THSD4: variants seen among roughly 807,000 people sequenced by gnomAD.
THSD4 encodes the protein thrombospondin type 1 domain containing 4.
In THSD4, 69 loss-of-function variants were observed where a neutral mutation model predicts 119.0. That is an observed-to-expected ratio of 0.58 (90% confidence interval 0.48 to 0.71). The LOEUF (loss-of-function observed/expected upper bound fraction) is 0.71, where lower values mean the gene tolerates loss of function less well. Ranked by LOEUF, THSD4 falls within the 30% of genes least tolerant of loss-of-function variation. THSD4 has a pLI of 0.00. For synonymous variants in THSD4, 524 were observed against 540.4 expected (o/e 0.97, Z 0.42); for missense variants, 1,393 against 1,391.1 (o/e 1.00, Z -0.02).
At chr15:71,676,383 G>A (rs1433917090) in intron 8 of THSD4, among the ~76,000 whole-genome samples, 2 of 152,108 alleles carry the variant, frequency 1.3e-5, no homozygotes. Flanking sequence ...CCGGGTTCAA[G>A]CGATTCTCCT....
chr15:71,478,247 A>G (rs1247697277), intron 7 of THSD4, among the ~76,000 whole-genome samples: 2 of 152,208 alleles, frequency 1.3e-5, no homozygotes, highest in Non-Finnish European at 2.9e-5. Context: ...GGAAGTATAT[A>G]AGCAGGTATA....
At chr15:71,710,603 C>G (rs1324781590) in intron 8 of THSD4, among the ~76,000 whole-genome samples, 1 of 152,160 alleles carries the variant, frequency 6.6e-6, no homozygotes, top group East Asian at 1.9e-4. Flanking sequence ...CCTCATCTGG[C>G]TCATACGGTA....
At chr15:71,665,827 G>A (rs1478411126) in intron 8 of THSD4, among the ~76,000 whole-genome samples, 1 of 151,950 alleles carries the variant, frequency 6.6e-6, no homozygotes, top group Admixed American at 6.6e-5. Flanking sequence ...CCTTATTTCT[G>A]GGCCTTATTT....
intron 7 of THSD4, among the ~76,000 whole-genome samples, chr15:71,584,081 G>A (rs1244097735): frequency 1.3e-5 from 2 of 151,894 alleles, no homozygotes. Context: ...CCAATGTTGG[G>A]TGTGTATGTA....
chr15:71,578,135 T>C (rs1595899147), intron 7 of THSD4, among the ~76,000 whole-genome samples: 1 of 149,922 alleles, frequency 6.7e-6, no homozygotes, highest in East Asian at 1.9e-4. Flanking sequence ...AGTATATATA[T>C]ACATTATATC....
intron 7 of THSD4, among the ~76,000 whole-genome samples, chr15:71,523,298 C>G (rs995747210): frequency 6.6e-6 from 1 of 152,192 alleles, no homozygotes; most frequent in Admixed American, 6.5e-5. Context: ...GGACTCCAGG[C>G]ATTCCTTGCC....
intron 7 of THSD4, among the ~76,000 whole-genome samples, chr15:71,589,817 G>A (rs2049760800): frequency 7.2e-6 from 1 of 138,842 alleles, no homozygotes; most frequent in African/African-American, 2.5e-5. Flanking sequence ...CCATCCCCAC[G>A]AGAATAGATA....
At chr15:71,408,064 G>T (rs1662894512) in intron 6 of THSD4, among the ~76,000 whole-genome samples, 1 of 152,096 alleles carries the variant, frequency 6.6e-6, no homozygotes, top group Non-Finnish European at 1.5e-5. Context: ...CTCCCAGCTT[G>T]TGGCAACCCT....
chr15:71,412,544 G>A (rs1192571895), intron 7 of THSD4, among the ~76,000 whole-genome samples: 2 of 152,188 alleles, frequency 1.3e-5, no homozygotes, highest in Non-Finnish European at 2.9e-5. Flanking sequence ...AGATTTAGCA[G>A]GTAAATGACT....
intron 5 of THSD4, among the ~76,000 whole-genome samples, chr15:71,243,932 G>A (rs931813129): frequency 6.6e-6 from 1 of 151,588 alleles, no homozygotes; most frequent in Non-Finnish European, 1.5e-5. Context: ...CTACAGGTGC[G>A]CACCACTATA....
At chr15:71,314,011 C>A (rs2045151142) in intron 6 of THSD4, among the ~76,000 whole-genome samples, 1 of 152,158 alleles carries the variant, frequency 6.6e-6, no homozygotes. Flanking sequence ...TGGAGGAATT[C>A]TTCTGTCCAG....
intron 7 of THSD4, among the ~76,000 whole-genome samples, chr15:71,457,725 G>A (rs573454041): frequency 6.6e-6 from 1 of 152,284 alleles, no homozygotes; most frequent in South Asian, 2.1e-4. Flanking sequence ...TGACCAGCCT[G>A]TCTCCAAGAC....
rs148194220 is a variant in THSD4 at position 71,672,801 on chromosome 15, C to T, written c.1357+12067C>T. On this transcript the variant is annotated intron_variant, in intron 8 of 17. Transcript: ENST00000261862. ...GTGACGGATTATGTTTATTGATTTGCGTATGTTGAACCAGCCTTGGATCCC... is the reference window on the plus strand; with the variant it reads ...GTGACGGATTATGTTTATTGATTTGTGTATGTTGAACCAGCCTTGGATCCC... Among the ~76,000 whole-genome samples, 251 of 152,164 alleles carry T rather than the reference C, an allele frequency of 1.6e-3. 2 individuals are homozygous for T. The highest frequency in any genetic ancestry group is 5.5e-3 in the African/African-American group (229 of 41,520).
chr15:71,335,009 A>G (rs1481075501), intron 6 of THSD4, among the ~76,000 whole-genome samples: 1 of 152,198 alleles, frequency 6.6e-6, no homozygotes, highest in Non-Finnish European at 1.5e-5. Context: ...CCTGAGCAGA[A>G]TTAATGGAGC....
At chr15:71,313,432 G>A (rs1231091326) in intron 6 of THSD4, among the ~76,000 whole-genome samples, 3 of 152,146 alleles carry the variant, frequency 2.0e-5, no homozygotes, top group African/African-American at 7.2e-5. Flanking sequence ...TGGTACTTTT[G>A]TATTTTATTT....
chr15:71,240,641 C>G (rs1373200700), intron 4 of THSD4, among the ~76,000 whole-genome samples: 1 of 152,144 alleles, frequency 6.6e-6, no homozygotes, highest in Admixed American at 6.6e-5. Flanking sequence ...TCAGTACTTA[C>G]TTTGAGGCTA....
chr15:71,439,292 AT>A (rs1177581652), intron 7 of THSD4, among the ~76,000 whole-genome samples: 1 of 152,034 alleles, frequency 6.6e-6, no homozygotes, highest in Non-Finnish European at 1.5e-5. Context: ...GAAATTTACT[AT>A]TTTTTTCTAC....
chr15:71,105,865 T>C (rs2040272395), intron 1 of THSD4, among the ~76,000 whole-genome samples: 1 of 152,098 alleles, frequency 6.6e-6, no homozygotes, highest in Non-Finnish European at 1.5e-5. Flanking sequence ...TCCCCTCTTA[T>C]ATTAATAGAG....
At chr15:71,746,678 C>T (rs954676769) in intron 12 of THSD4, among the ~76,000 whole-genome samples, 160 bp from the exon 13 acceptor site, 2 of 152,186 alleles carry the variant, frequency 1.3e-5, no homozygotes, top group Non-Finnish European at 2.9e-5. Flanking sequence ...TACAGGCGTG[C>T]GCCACTGTGC....
Sources: gnomAD v4.1 joint callset for allele counts (sites outside exome capture counted in the v4.1 genomes callset) on GRCh38, gnomAD v4.1.1 for gene constraint, MANE v1.5 for transcripts, NCBI Gene and HGNC (gene_info 2026-07-23, HGNC 2026-07-21) for gene names.